Variants in R3HCC1L observed in about 807,000 individuals in gnomAD.
The protein encoded by R3HCC1L is coiled-coil domain-containing protein R3HCC1L.
R3HCC1L carries 51 observed loss-of-function variants against 59.9 expected under a neutral mutation model. That is an observed-to-expected ratio of 0.85 (90% confidence interval 0.68 to 1.07). R3HCC1L has a LOEUF of 1.07. Among genes scored for constraint, R3HCC1L ranks in the 50% least tolerant of loss-of-function variants. The probability of loss-of-function intolerance (pLI) is 0.00; values close to 1 mark genes in which losing one functional copy is unlikely to be tolerated. For synonymous variants in R3HCC1L, 322 were observed against 315.2 expected (o/e 1.02, Z -0.23); for missense variants, 965 against 933.0 (o/e 1.03, Z -0.45).
chr10:98,243,205 T>G (rs1857733773), intron 9 of R3HCC1L, among the ~76,000 whole-genome samples: 1 of 152,242 alleles, frequency 6.6e-6, no homozygotes, highest in Non-Finnish European at 1.5e-5. Flanking sequence ...TCGATTTCTG[T>G]AATCTCCCTG....
intron 7 of R3HCC1L, 123 bp from the exon 8 acceptor site, chr10:98,235,302 C>G: frequency 1.3e-6 from 1 of 784,718 alleles, no homozygotes. Flanking sequence ...ATCTTTAGAT[C>G]TGTCTCTTTT....
chr10:98,227,273 T>A (rs1378764703), intron 5 of R3HCC1L, among the ~76,000 whole-genome samples: 1 of 152,186 alleles, frequency 6.6e-6, no homozygotes, highest in African/African-American at 2.4e-5. Flanking sequence ...AAACTGAGGC[T>A]TAGTAGAGAA....
At chr10:98,142,024 T>C (rs536084501) in intron 1 of R3HCC1L, among the ~76,000 whole-genome samples, 2 of 151,378 alleles carry the variant, frequency 1.3e-5, no homozygotes, top group Admixed American at 1.3e-4. Context: ...AAAGTAAGGG[T>C]TTTTCCCTAC....
At position 98,152,930 on chromosome 10, in the gene R3HCC1L, TGTCCGGGAGAGAGGTGGGGGGTCA is replaced by T. The variant is rs1564620852; in HGVS notation, c.-267-3161_-267-3138del. Among the ~76,000 whole-genome samples the T allele has an allele frequency of 1.3e-4, 20 of 149,596 alleles. No homozygotes were observed. The South Asian group carries it at 2.3e-3, about 17-fold the overall frequency. ...TCAGCCCCTGCCCGGCCAGTCGCCC[TGTCCGGGAGAGAGGTGGGGGGTCA>T]GCCCCCACCCAGCCAGCCGCCCTGT... On this transcript the variant is annotated intron_variant, in intron 1 of 9. Transcript: ENST00000298999.
At chr10:98,152,748 G>T (rs1309227305) in intron 1 of R3HCC1L, among the ~76,000 whole-genome samples, 1 of 138,558 alleles carries the variant, frequency 7.2e-6, no homozygotes, top group Non-Finnish European at 1.6e-5. Flanking sequence ...GAGCCCCTCC[G>T]CCTGGCAGCC....
chr10:98,152,125 A>T (rs1007919894), intron 1 of R3HCC1L, among the ~76,000 whole-genome samples: 1 of 152,118 alleles, frequency 6.6e-6, no homozygotes, highest in East Asian at 1.9e-4. Context: ...ACTGGTTTTC[A>T]TATTTTTTTG....
chr10:98,161,474 G>T (rs992510821), intron 2 of R3HCC1L, among the ~76,000 whole-genome samples: 2 of 152,026 alleles, frequency 1.3e-5, no homozygotes, highest in Non-Finnish European at 2.9e-5. Flanking sequence ...GTGTTTGTGC[G>T]TAGGTATGAA....
At chr10:98,211,154 C>T (rs1853520833) in intron 5 of R3HCC1L, among the ~76,000 whole-genome samples, 1 of 152,048 alleles carries the variant, frequency 6.6e-6, no homozygotes, top group African/African-American at 2.4e-5. Context: ...ATTATATGTA[C>T]GTATGTGTGT....
chr10:98,171,688 CAA>C (rs1183232891), intron 4 of R3HCC1L, among the ~76,000 whole-genome samples: 1 of 152,218 alleles, frequency 6.6e-6, no homozygotes, highest in Non-Finnish European at 1.5e-5. Context: ...GTAAGCTTAG[CAA>C]AAGAGAGCAT....
At chr10:98,167,321 T>G (rs1308463413) in intron 4 of R3HCC1L, among the ~76,000 whole-genome samples, 1 of 152,218 alleles carries the variant, frequency 6.6e-6, no homozygotes, top group Non-Finnish European at 1.5e-5. Flanking sequence ...TTAAATTTAT[T>G]AACTTGTTAA....
At chr10:98,219,794 T>C (rs768970889) in intron 5 of R3HCC1L, among the ~76,000 whole-genome samples, 4 of 152,334 alleles carry the variant, frequency 2.6e-5, no homozygotes, top group Non-Finnish European at 4.4e-5. Context: ...TGTAAGATTT[T>C]CTCTTGCTGT....
chr10:98,176,110 C>T (rs1427762575), intron 4 of R3HCC1L, among the ~76,000 whole-genome samples: 1 of 152,106 alleles, frequency 6.6e-6, no homozygotes, highest in African/African-American at 2.4e-5. Context: ...CTTCTGGACT[C>T]TTACTGCGTT....
intron 4 of R3HCC1L, among the ~76,000 whole-genome samples, chr10:98,195,169 T>C (rs1324509308): frequency 1.3e-5 from 2 of 152,188 alleles, no homozygotes; most frequent in Non-Finnish European, 1.5e-5. Context: ...TGCTGCCTCA[T>C]GGTTGAACCT....
At chr10:98,219,739 T>A (rs186854499) in intron 5 of R3HCC1L, among the ~76,000 whole-genome samples, 2 of 152,322 alleles carry the variant, frequency 1.3e-5, no homozygotes, top group South Asian at 2.1e-4. Flanking sequence ...AACAACTTTA[T>A]TGTTGTTCCC....
At chr10:98,198,422 A>G (rs1334477883) in intron 4 of R3HCC1L, among the ~76,000 whole-genome samples, 2 of 152,078 alleles carry the variant, frequency 1.3e-5, no homozygotes, top group Non-Finnish European at 1.5e-5. Flanking sequence ...AAGTAGACCA[A>G]TGAGAAGAAA....
rs754229437 is a variant in R3HCC1L at position 98,208,313 on chromosome 10, G to A, written c.199G>A (p.Glu67Lys). 5 of 1,614,132 alleles carry A rather than the reference G, an allele frequency of 3.1e-6. No individual in the cohort carries two copies. The highest frequency in any genetic ancestry group is 4.2e-6 in the Non-Finnish European group (5 of 1,180,022). The change falls in exon 5 of 10, where the codon GAG becomes AAG. Residue 67 changes from glutamate to lysine, a missense_variant. Physicochemically the swap from Glu to Lys is moderately conservative, Grantham distance 56. Coordinates refer to ENST00000298999, the MANE Select transcript of R3HCC1L (RefSeq NM_001351015.2). ...SQKEVFKDKP[E>K]ARRLNINPDR... The stretch of plus-strand genomic sequence containing the variant: ...AAAAGAAGTCTTTAAAGACAAACCG[G>A]AGGCTCGAAGACTAAATATCAATCC...
intron 2 of R3HCC1L, among the ~76,000 whole-genome samples, chr10:98,159,630 C>G (rs1182444071): frequency 1.3e-5 from 2 of 152,146 alleles, no homozygotes; most frequent in Non-Finnish European, 2.9e-5. Context: ...TGGTGATATT[C>G]TAATTCCATT....
Position 98,243,440 on chromosome 10 carries a change from A to G in R3HCC1L, c.2270-651A>G, listed in dbSNP as rs370983590. Among the ~76,000 whole-genome samples the G allele has an allele frequency of 1.4e-3, 212 of 152,328 alleles. 1 individual carries two copies. Among genetic ancestry groups the G allele is most frequent in the African/African-American group, 4.7e-3 (195 of 41,570 alleles). On this transcript the variant is annotated intron_variant, in intron 9 of 9. Coordinates refer to ENST00000298999, the MANE Select transcript of R3HCC1L (RefSeq NM_001351015.2). Reference sequence around the variant, plus strand: ...TCAGACCTTGGTGAAAGTGTTATGGAGAACCAAGCTTCTATATTAAAAATT... The same window carrying G: ...TCAGACCTTGGTGAAAGTGTTATGGGGAACCAAGCTTCTATATTAAAAATT...
chr10:98,196,370 A>G (rs1851433473), intron 4 of R3HCC1L, among the ~76,000 whole-genome samples: 2 of 152,046 alleles, frequency 1.3e-5, no homozygotes, highest in African/African-American at 4.8e-5. Context: ...CGACAACCCC[A>G]TCTTGCTAAA....
Sources: allele counts gnomAD v4.1 joint callset (sites outside exome capture counted in the v4.1 genomes callset), GRCh38; gene constraint gnomAD v4.1.1; transcripts MANE v1.5; gene names NCBI Gene and HGNC (gene_info 2026-07-23, HGNC 2026-07-21).